The following GANC variants were observed in gnomAD, a reference collection of about 807,000 sequenced individuals.
GANC encodes neutral alpha-glucosidase C.
GANC carries 117 observed loss-of-function variants against 124.2 expected under a neutral mutation model. That is an observed-to-expected ratio of 0.94 (90% CI 0.81 to 1.10). GANC has a LOEUF of 1.10. GANC is among the 50% of genes least tolerant of loss of function. GANC has a pLI of 0.00. For missense variants in GANC, 1,140 were observed against 1,095.0 expected (o/e 1.04, Z -0.58); for synonymous variants, 377 against 376.8 (o/e 1.00, Z -0.01).
chr15:42,310,590 A>C (rs974182193), intron 9 of GANC, 103 bp from the exon 10 acceptor site: 19 of 1,482,176 alleles, frequency 1.3e-5, no homozygotes, highest in Admixed American at 2.1e-5. Flanking sequence ...TAATCAGTGA[A>C]TATCAGTAGT....
intron 18 of GANC, 94 bp downstream of exon 18, chr15:42,340,848 C>A: frequency 1.1e-6 from 1 of 917,544 alleles, no homozygotes; most frequent in Non-Finnish European, 1.6e-6. Flanking sequence ...CTCACTGCAA[C>A]CTCCGCCTCC....
Position 42,333,824 on chromosome 15 carries a change from C to T in GANC, c.1741+3152C>T, listed in dbSNP as rs118176256. On this transcript the variant is annotated intron_variant, in intron 15 of 23. Coordinates refer to ENST00000318010, the MANE Select transcript of GANC (RefSeq NM_198141.3). ...CTGTTATTATGTCTCCCCTTTAAGG[C>T]CTGTAACACTTCTCTCAAATTTTTT... is the stretch of plus-strand genomic sequence containing the variant. 5.9e-4 allele frequency among the ~76,000 whole-genome samples: 90 copies of T among 152,270 alleles called. 2 individuals are homozygous for T. The East Asian group carries it at 0.016, about 27-fold the overall frequency.
chr15:42,350,134 G>C (rs1456673729), intron 22 of GANC, among the ~76,000 whole-genome samples: 2 of 142,312 alleles, frequency 1.4e-5, no homozygotes, highest in African/African-American at 5.2e-5. Context: ...AGGTTCAAGC[G>C]AGTCTCCTGC....
Position 42,274,227 on chromosome 15 carries a change from C to G in GANC, c.-255C>G, listed in dbSNP as rs564077871. The G allele has an allele frequency of 5.9e-5, 28 of 476,674 alleles. No homozygotes were observed. Among genetic ancestry groups the G allele is most frequent in the Non-Finnish European group, 9.8e-5 (26 of 265,748 alleles). 29.5% of individuals were successfully genotyped at this position (476,674 alleles called of 1,614,324 possible). ...TTTCGGTTCCTAACAAAAGCACGTT[C>G]CTCATCAGCCACCCATAATCAAGAC... On this transcript the variant is annotated 5_prime_UTR_variant, in exon 1 of 24. Transcript: ENST00000318010.
rs1216617726 is a variant in GANC, at chr15:42,351,419, T to C, written c.2622T>C (p.Thr874=). 8 of 1,611,460 alleles carry C rather than the reference T, an allele frequency of 5.0e-6. No homozygotes were observed. The highest frequency in any genetic ancestry group is 6.8e-6 in the Non-Finnish European group (8 of 1,177,700). The change falls in exon 23 of 24, where the codon ACT becomes ACC. Residue 874 remains threonine (T), a synonymous_variant. Coordinates refer to ENST00000318010, the MANE Select transcript of GANC (RefSeq NM_198141.3). ...TCAGGAAGGAGCCATCTTCTGTGAC[T>C]ACCCACTCATCTGGTGAGAAAGCAG... is the stretch of plus-strand genomic sequence containing the variant. ...LGFRKEPSSV[T]THSSDGKDQP... is the part of the protein sequence containing the mutation.
rs1303550498 is a variant in GANC at position 42,338,867 on chromosome 15, ATTC to A, written c.1843+380_1843+382del. On this transcript the variant is annotated intron_variant, in intron 16 of 23. Coordinates refer to ENST00000318010, the MANE Select transcript of GANC (RefSeq NM_198141.3). ...AAATCAGAAAGTCAGCCTTACAGAA[ATTC>A]TTTTTACTCAGCAGATTTAAAATTC... Among the ~76,000 whole-genome samples the A allele has an allele frequency of 4.6e-5, 7 of 152,340 alleles. No individual in the cohort carries two copies. In the East Asian group the frequency reaches 1.3e-3, roughly 29 times the overall value.
chr15:42,307,724 G>T (rs1220957785), intron 7 of GANC, among the ~76,000 whole-genome samples: 2 of 152,184 alleles, frequency 1.3e-5, no homozygotes, highest in East Asian at 3.8e-4. Context: ...TGAGGAACCA[G>T]TTATGGCCCT....
chr15:42,340,619 TAA>T, intron 17 of GANC, 69 bp from the exon 18 acceptor site: 2 of 1,015,740 alleles, frequency 2.0e-6, no homozygotes, highest in Non-Finnish European at 2.8e-6. Flanking sequence ...AAAAAAAAAC[TAA>T]AAATATAAGT....
At position 42,352,751 on chromosome 15, in the gene GANC, T is replaced by C. The variant is rs368769873; in HGVS notation, c.*612T>C. 5 of 982,468 alleles carry C rather than the reference T, an allele frequency of 5.1e-6. No homozygotes were observed. The African/African-American group carries it at 8.7e-5, about 17-fold the overall frequency. 60.9% of individuals were successfully genotyped at this position (982,468 alleles called of 1,614,324 possible). A position where few individuals can be genotyped will look rare whatever the true frequency, so the allele number is the denominator to read the frequency against. On this transcript the variant is annotated 3_prime_UTR_variant, in exon 24 of 24. Transcript: ENST00000318010. ...CAGGCTCAATAGTTTCTAATTAATC[T>C]TAAAATCCATGTCTTTTACATTGTT...
intron 10 of GANC, chr15:42,314,455 A>G (rs762713097): frequency 3.4e-5 from 11 of 324,968 alleles, no homozygotes; most frequent in Non-Finnish European, 5.8e-5. Context: ...TGACACAGCT[A>G]ACTCAGGAGC....
intron 3 of GANC, among the ~76,000 whole-genome samples, 187 bp downstream of exon 3, chr15:42,278,777 C>G (rs913751149): frequency 2.6e-5 from 4 of 152,098 alleles, no homozygotes; most frequent in Non-Finnish European, 5.9e-5. Flanking sequence ...GCAGATTGCT[C>G]GAGCCCAGGA....
rs1305705466 is a variant in GANC at position 42,326,418 on chromosome 15, T to C, written c.1414T>C (p.Trp472Arg). The change falls in exon 12 of 24, where the codon TGG (tryptophan) becomes CGG (arginine). Residue 472 changes from tryptophan (W) to arginine (R), a missense_variant. Trp to Arg is a moderately radical substitution (Grantham distance 101, BLOSUM62 -3). Coordinates refer to ENST00000318010, the MANE Select transcript of GANC (RefSeq NM_198141.3). ...AGGGGAAGACTTTGAAGGGGTGTGTTGGCCAGGTATGAAATCACTTTATAC... is the reference window on the plus strand; with the variant it reads ...AGGGGAAGACTTTGAAGGGGTGTGTCGGCCAGGTATGAAATCACTTTATAC... ...QEGEDFEGVC[W>R]PGLSSYLDFT... 2.5e-6 allele frequency: 4 copies of C among 1,614,002 alleles called. No individual in the cohort carries two copies. The highest frequency in any genetic ancestry group is 3.4e-6 in the Non-Finnish European group (4 of 1,179,900).
At chr15:42,293,561 T>C (rs747229894) in intron 5 of GANC, among the ~76,000 whole-genome samples, 28 of 149,792 alleles carry the variant, frequency 1.9e-4, no homozygotes, top group Non-Finnish European at 5.9e-5. Context: ...AAATATCTCA[T>C]TTTCTCATCT....
In GANC at chr15:42,297,671, T is replaced by A. The variant is rs1404326917; in HGVS notation, c.558+15T>A. ...ACACCTCTCAGGTAATCTAGATTGA[T>A]CCATTTATTGTTATCTTTTTCACCA... On this transcript the variant is annotated intron_variant, in intron 6 of 23. Transcript: ENST00000318010. 1 of 1,579,340 alleles carries A rather than the reference T, an allele frequency of 6.3e-7. No homozygotes were observed. Among genetic ancestry groups the A allele is most frequent in the East Asian group, 2.3e-5 (1 of 44,208 alleles).
chr15:42,339,759 A>G lies in GANC; in HGVS notation c.1934A>G (p.His645Arg). The change falls in exon 17 of 24, where the codon CAT becomes CGT. Residue 645 changes from histidine to arginine, a missense_variant. His to Arg is a conservative substitution (Grantham distance 29). Coordinates refer to ENST00000318010, the MANE Select transcript of GANC (RefSeq NM_198141.3). ...AGAYQPFFRG[H>R]ATMNTKRREP... Reference sequence around the variant, plus strand: ...GCCTACCAGCCCTTCTTCCGTGGCCATGCCACCATGAACACCAAGCGACGA... The same window carrying G: ...GCCTACCAGCCCTTCTTCCGTGGCCGTGCCACCATGAACACCAAGCGACGA... The G allele has an allele frequency of 3.1e-6, 5 of 1,614,156 alleles. No homozygotes were observed. The highest frequency in any genetic ancestry group is 4.2e-6 in the Non-Finnish European group (5 of 1,180,008).
chr15:42,305,682 T>G (rs2051988410), intron 6 of GANC, among the ~76,000 whole-genome samples: 1 of 152,204 alleles, frequency 6.6e-6, no homozygotes. Flanking sequence ...AGCAAAGACT[T>G]GGAACCAACT....
chr15:42,288,942 A>G (rs2051817516), intron 4 of GANC, among the ~76,000 whole-genome samples: 1 of 152,206 alleles, frequency 6.6e-6, no homozygotes, highest in South Asian at 2.1e-4. Context: ...GAAGGATAGT[A>G]CAGCCTTCAC....
Position 42,343,164 on chromosome 15 carries a change from A to G in GANC, c.2229+10A>G, listed in dbSNP as rs374130003. 9.9e-6 allele frequency: 16 copies of G among 1,610,854 alleles called. No homozygotes were observed. The highest frequency in any genetic ancestry group is 1.7e-4 in the Middle Eastern group (1 of 6,052). The stretch of plus-strand genomic sequence containing the variant: ...TCCAGGATCAAATGAGGTAAGAGTA[A>G]TAACAGCCACATATCTGATATGTCT... On this transcript the variant is annotated intron_variant, in intron 19 of 23. Coordinates refer to ENST00000318010, the MANE Select transcript of GANC (RefSeq NM_198141.3).
intron 20 of GANC, among the ~76,000 whole-genome samples, chr15:42,347,496 C>A (rs1399683063): frequency 6.6e-6 from 1 of 152,088 alleles, no homozygotes; most frequent in Non-Finnish European, 1.5e-5. Context: ...CTTAAAGTAC[C>A]CTTGGTAGTC....
Sources: gnomAD v4.1 joint callset for allele counts (sites outside exome capture counted in the v4.1 genomes callset) on GRCh38, gnomAD v4.1.1 for gene constraint, MANE v1.5 for transcripts, NCBI Gene and HGNC (gene_info 2026-07-23, HGNC 2026-07-21) for gene names.